CCDC158: variants seen among roughly 807,000 people sequenced by gnomAD.
The protein encoded by CCDC158 is coiled-coil domain-containing protein 158.
Under a neutral mutation model 138.6 loss-of-function variants are expected in CCDC158, and 116 were observed. The ratio of observed to expected loss-of-function variants is 0.84; its 90% CI spans 0.72 to 0.98. The LOEUF (loss-of-function observed/expected upper bound fraction) is 0.98, where lower values mean the gene tolerates loss of function less well. Among genes scored for constraint, CCDC158 ranks in the 50% least tolerant of loss-of-function variants. CCDC158 has a pLI of 0.00. For synonymous variants in CCDC158, 436 were observed against 442.4 expected (o/e 0.99, Z 0.18); for missense variants, 1,265 against 1,306.1 (o/e 0.97, Z 0.48).
intron 13 of CCDC158, among the ~76,000 whole-genome samples, chr4:76,360,117 T>C (rs1400030016): frequency 6.6e-6 from 1 of 152,232 alleles, no homozygotes; most frequent in Non-Finnish European, 1.5e-5. Context: ...GCTCAGGCTG[T>C]TGCTTCAGAG....
rs770598778 is a variant in CCDC158 at position 76,379,397 on chromosome 4, C to T, written c.922G>A (p.Ala308Thr). ...ATATACATAGAGTTTTGGTTTCTTG[C>T]TTGCTCTCTAAGAAGAGTTTAGAAG... ...QSQMEIIQEQ[A>T]RNQNSMYMRQ... is the part of the protein sequence containing the mutation. The change falls in exon 9 of 25, where the codon GCA (alanine) becomes ACA (threonine). Residue 308 changes from alanine to threonine, a missense_variant. Transcript: ENST00000682701. 3 of 1,595,114 alleles carry T rather than the reference C, an allele frequency of 1.9e-6. No homozygotes were observed. Among genetic ancestry groups the T allele is most frequent in the Non-Finnish European group, 2.6e-6 (3 of 1,172,136 alleles).
intron 3 of CCDC158, among the ~76,000 whole-genome samples, chr4:76,399,734 T>C (rs1050987498): frequency 6.6e-6 from 1 of 152,096 alleles, no homozygotes; most frequent in Non-Finnish European, 1.5e-5. Flanking sequence ...GTGTTATATG[T>C]ATTTGTTAGT....
intron 18 of CCDC158, chr4:76,345,227 A>G (rs1578921927): frequency 1.1e-6 from 1 of 930,176 alleles, no homozygotes; most frequent in East Asian, 2.4e-5. Context: ...GTCAAGTTTC[A>G]TCAGATGAAG....
chr4:76,388,070 A>G (rs1473235408), intron 4 of CCDC158, among the ~76,000 whole-genome samples: 1 of 152,108 alleles, frequency 6.6e-6, no homozygotes, highest in Non-Finnish European at 1.5e-5. Flanking sequence ...CTGAATAACC[A>G]GCAGTGATAC....
At chr4:76,418,695 G>A (rs557608093) in intron 1 of CCDC158, among the ~76,000 whole-genome samples, 1 of 152,194 alleles carries the variant, frequency 6.6e-6, no homozygotes, top group East Asian at 1.9e-4. Flanking sequence ...TCACTATCAC[G>A]AGAACAGCAC....
chr4:76,318,427 C>T (rs192644882), intron 24 of CCDC158, among the ~76,000 whole-genome samples: 1 of 151,976 alleles, frequency 6.6e-6, no homozygotes, highest in East Asian at 1.9e-4. Flanking sequence ...ATGGAAAATT[C>T]CTGGAGATAT....
chr4:76,351,772 C>T lies in CCDC158; in HGVS notation c.2486G>A (p.Arg829His), dbSNP rs149122809. Residue 829 changes from arginine to histidine, a missense_variant, in exon 17 of 25, where the codon CGT becomes CAT. By Grantham distance (29) the Arg-to-His change is conservative. Coordinates refer to ENST00000682701, the MANE Select transcript of CCDC158 (RefSeq NM_001394954.1). ...QFAECQDIIQ[R>H]QEQESVRLKL... ...TAAGCGCACTGATTCTTGCTCCTGA[C>T]GCTGTATTATATCTTGACATTCTGC... 5.5e-5 allele frequency: 89 copies of T among 1,613,288 alleles called. No homozygotes were observed. In the East Asian group the frequency reaches 1.2e-3, roughly 21 times the overall value.
Position 76,396,325 on chromosome 4 carries a change from G to A in CCDC158, c.232C>T (p.Arg78Cys), listed in dbSNP as rs369946437. 23 of 1,613,760 alleles carry A rather than the reference G, an allele frequency of 1.4e-5. No homozygotes were observed. The highest frequency in any genetic ancestry group is 1.3e-4 in the East Asian group (6 of 44,838). ...IPSPGKEHFE[R>C]VLEEYSHQVK... ...TGATGTGAATATTCTTCCAAAACAC[G>A]TTCAAAGTGTTCCTTTCCAGGAGAT... The change falls in exon 4 of 25, where the codon CGT (arginine) becomes TGT (cysteine). Residue 78 changes from arginine to cysteine, a missense_variant. Transcript: ENST00000682701.
At chr4:76,322,270 G>A (rs943092920) in intron 24 of CCDC158, among the ~76,000 whole-genome samples, 1 of 152,132 alleles carries the variant, frequency 6.6e-6, no homozygotes, top group Admixed American at 6.6e-5. Context: ...ACAACAATTT[G>A]CTAAAGCCTT....
At chr4:76,372,637 T>C (rs1393855357) in intron 9 of CCDC158, among the ~76,000 whole-genome samples, 1 of 152,206 alleles carries the variant, frequency 6.6e-6, no homozygotes, top group African/African-American at 2.4e-5. Context: ...TTTTAAAGGA[T>C]GAATTTATAT....
intron 24 of CCDC158, among the ~76,000 whole-genome samples, chr4:76,321,185 G>A (rs191481702): frequency 2.0e-5 from 3 of 152,030 alleles, no homozygotes; most frequent in African/African-American, 7.3e-5. Context: ...TAATGATCAG[G>A]GAAATGCAAA....
Position 76,353,166 on chromosome 4 carries a change from C to T in CCDC158, c.2402G>A (p.Arg801His), listed in dbSNP as rs200019740. 3.7e-5 allele frequency: 59 copies of T among 1,613,690 alleles called. No individual in the cohort carries two copies. Among genetic ancestry groups the T allele is most frequent in the African/African-American group, 1.7e-4 (13 of 75,006 alleles). Residue 801 changes from arginine (R) to histidine (H), a missense_variant, in exon 16 of 25, where the codon CGT becomes CAT. Transcript: ENST00000682701. ...ELEVLRSQER[R>H]LKEKVTNMEV... is the part of the protein sequence containing the mutation. ...CATATTAGTAACCTTTTCTTTCAAA[C>T]GGCGTTCCTGAGATCGCAGAACTTC...
In CCDC158 at chr4:76,367,301, T is replaced by A. The variant is rs373094320; in HGVS notation, c.1823A>T (p.Glu608Val). 84 of 1,608,488 alleles carry A rather than the reference T, an allele frequency of 5.2e-5. No homozygotes were observed. In the Middle Eastern group the frequency reaches 4.1e-3, roughly 79 times the overall value. The change falls in exon 12 of 25, where the codon GAA becomes GTA. Residue 608 changes from glutamate (E) to valine (V), a missense_variant. Coordinates refer to ENST00000682701, the MANE Select transcript of CCDC158 (RefSeq NM_001394954.1). ...CAAAAAAACTCTACAGACCTTAAGT[T>A]CCTTTAGTTCCATCCGCCTATCATT... ...EINDRRMELKELKILKDKKDA... is the reference protein window; with the variant it reads ...EINDRRMELKVLKILKDKKDA...
chr4:76,367,550 C>G lies in CCDC158; in HGVS notation c.1574G>C (p.Arg525Pro), dbSNP rs753451426. ...TNAEITKLRS[R>P]VDLKLQELQH... ...CAGCTCCTGCAATTTCAAGTCCACCCGGGAGCGGAGCTTTGTGATCTCTGC... is the reference window on the plus strand; with the variant it reads ...CAGCTCCTGCAATTTCAAGTCCACCGGGGAGCGGAGCTTTGTGATCTCTGC... Residue 525 changes from arginine to proline, a missense_variant, in exon 12 of 25, where the codon CGG becomes CCG. Coordinates refer to ENST00000682701, the MANE Select transcript of CCDC158 (RefSeq NM_001394954.1). 2.5e-6 allele frequency: 4 copies of G among 1,614,104 alleles called. No homozygotes were observed. In the South Asian group the frequency reaches 3.3e-5, roughly 13 times the overall value.
At chr4:76,387,524 T>G (rs1726913961) in intron 4 of CCDC158, among the ~76,000 whole-genome samples, 1 of 151,606 alleles carries the variant, frequency 6.6e-6, no homozygotes, top group African/African-American at 2.4e-5. Context: ...CTGTCTCTAC[T>G]AAAAATACAA....
chr4:76,367,388 C>T lies in CCDC158; in HGVS notation c.1736G>A (p.Gly579Asp), dbSNP rs1197309640. 1 of 1,614,228 alleles carries T rather than the reference C, an allele frequency of 6.2e-7. No individual in the cohort carries two copies. Among genetic ancestry groups the T allele is most frequent in the Non-Finnish European group, 8.5e-7 (1 of 1,180,042 alleles). The change falls in exon 12 of 25, where the codon GGC (glycine) becomes GAC (aspartate). Residue 579 changes from glycine (G) to aspartate (D), a missense_variant. Physicochemically the swap from Gly to Asp is moderately conservative, Grantham distance 94. Coordinates refer to ENST00000682701, the MANE Select transcript of CCDC158 (RefSeq NM_001394954.1). ...AGCTCCAGCAGTTCGTCCATGCTGG[C>T]CCACCAGCTGTGTCATGTTCTCAAT... ...QQIENMTQLV[G>D]QHGRTAGAMQ...
intron 2 of CCDC158, among the ~76,000 whole-genome samples, chr4:76,407,692 A>G (rs6849097): frequency 0.029 from 4,453 of 152,298 alleles, 215 homozygotes; most frequent in African/African-American, 0.1. Context: ...AGTAGGACAG[A>G]TATAGAACCA....
chr4:76,395,680 A>G (rs1043906249), intron 4 of CCDC158, among the ~76,000 whole-genome samples: 2 of 152,220 alleles, frequency 1.3e-5, no homozygotes, highest in African/African-American at 2.4e-5. Context: ...AATGGGTAGC[A>G]TATGAGGCTA....
chr4:76,367,461 G>A lies in CCDC158; in HGVS notation c.1663C>T (p.Leu555=). The part of the protein sequence containing the change: ...NVQTECEALK[L]QMTEKDKVIE... ...ACCTTGTCCTTCTCTGTCATCTGCAGTTTGAGGGCCTCACATTCTGTCTGC... is the reference window on the plus strand; with the variant it reads ...ACCTTGTCCTTCTCTGTCATCTGCAATTTGAGGGCCTCACATTCTGTCTGC... The change falls in exon 12 of 25, where the codon CTG becomes TTG. Residue 555 remains leucine, a synonymous_variant. Transcript: ENST00000682701. The A allele has an allele frequency of 6.2e-7, 1 of 1,614,236 alleles. No homozygotes were observed. The highest frequency in any genetic ancestry group is 8.5e-7 in the Non-Finnish European group (1 of 1,180,048).
Sources: gnomAD v4.1 joint callset for allele counts (sites outside exome capture counted in the v4.1 genomes callset) on GRCh38, gnomAD v4.1.1 for gene constraint, MANE v1.5 for transcripts, NCBI Gene and HGNC (gene_info 2026-07-23, HGNC 2026-07-21) for gene names.